FERMT2: variants seen among roughly 807,000 people sequenced by gnomAD.
FERMT2 encodes the protein fermitin family homolog 2.
A neutral mutation model predicts 82.7 loss-of-function variants in FERMT2; 15 were observed. That is an observed-to-expected ratio of 0.18 (90% CI 0.12 to 0.28). FERMT2 has a LOEUF of 0.28. FERMT2 is among the 10% of genes least tolerant of loss of function. FERMT2 has a pLI of 1.00. For missense variants in FERMT2, 645 were observed against 809.4 expected (o/e 0.80, Z 2.46); for synonymous variants, 274 against 271.5 (o/e 1.01, Z -0.09).
At chr14:52,922,384 A>G (rs928355280) in intron 2 of FERMT2, among the ~76,000 whole-genome samples, 1 of 152,130 alleles carries the variant, frequency 6.6e-6, no homozygotes, top group African/African-American at 2.4e-5. Context: ...GCTTGTCAGC[A>G]TGTTGGGGAT....
intron 2 of FERMT2, among the ~76,000 whole-genome samples, chr14:52,940,184 T>C (rs1051805105): frequency 6.6e-6 from 1 of 152,152 alleles, no homozygotes; most frequent in Non-Finnish European, 1.5e-5. Flanking sequence ...TGTAGAAAGG[T>C]CACCCCAAGG....
intron 2 of FERMT2, among the ~76,000 whole-genome samples, chr14:52,941,831 T>C (rs969311248): frequency 6.6e-6 from 1 of 152,246 alleles, no homozygotes; most frequent in African/African-American, 2.4e-5. Context: ...AGAATTAATT[T>C]ACTACTGATG....
At chr14:52,869,327 T>C (rs1303223902) in intron 10 of FERMT2, among the ~76,000 whole-genome samples, 1 of 152,222 alleles carries the variant, frequency 6.6e-6, no homozygotes, top group African/African-American at 2.4e-5. Flanking sequence ...TAAAAATTTG[T>C]GTAACTTTAA....
intron 3 of FERMT2, among the ~76,000 whole-genome samples, chr14:52,903,942 C>T (rs1355922486): frequency 6.6e-6 from 1 of 152,126 alleles, no homozygotes. Context: ...GGGAGATTGA[C>T]TATAATCCAA....
chr14:52,904,187 C>T (rs1407814051), intron 3 of FERMT2, among the ~76,000 whole-genome samples: 1 of 152,072 alleles, frequency 6.6e-6, no homozygotes, highest in African/African-American at 2.4e-5. Flanking sequence ...TTGAGACCAG[C>T]CTGGCCAACA....
At position 52,885,341 on chromosome 14, in the gene FERMT2, C is replaced by A. The variant is rs898162757; in HGVS notation, c.527-3872G>T. Among the ~76,000 whole-genome samples, 159 of 97,958 alleles carry A rather than the reference C, an allele frequency of 1.6e-3. 1 individual carries two copies. The highest frequency in any genetic ancestry group is 4.3e-3 in the African/African-American group (127 of 29,528). 64.3% of individuals were successfully genotyped at this position (97,958 alleles called of 152,430 possible). A position where few individuals can be genotyped will look rare whatever the true frequency, so the allele number is the denominator to read the frequency against. On this transcript the variant is annotated intron_variant, in intron 4 of 14. Coordinates refer to ENST00000341590, the MANE Select transcript of FERMT2 (RefSeq NM_006832.3). ...AAAAAAAAAAAAAAAAAAAAAAAATCTGTTACTAATGTCATTATTGCAAAC... is the reference window on the plus strand; with the variant it reads ...AAAAAAAAAAAAAAAAAAAAAAAATATGTTACTAATGTCATTATTGCAAAC...
chr14:52,906,794 A>T (rs1433484346), intron 3 of FERMT2, among the ~76,000 whole-genome samples: 1 of 152,152 alleles, frequency 6.6e-6, no homozygotes, highest in African/African-American at 2.4e-5. Context: ...AATAAATCTT[A>T]AAAAAACTAT....
chr14:52,945,636 T>A (rs892970518), intron 2 of FERMT2, among the ~76,000 whole-genome samples: 4 of 152,166 alleles, frequency 2.6e-5, no homozygotes, highest in Non-Finnish European at 5.9e-5. Flanking sequence ...TTTTCCCTTG[T>A]AGATTGTGTG....
chr14:52,907,963 G>A (rs993581452), intron 3 of FERMT2, among the ~76,000 whole-genome samples: 1 of 152,180 alleles, frequency 6.6e-6, no homozygotes, highest in Non-Finnish European at 1.5e-5. Flanking sequence ...CCAATAAAAT[G>A]TCCATATCTG....
At chr14:52,899,804 T>C (rs1887516995) in intron 3 of FERMT2, among the ~76,000 whole-genome samples, 1 of 152,214 alleles carries the variant, frequency 6.6e-6, no homozygotes, top group African/African-American at 2.4e-5. Context: ...AATTTAGGAC[T>C]TACTGATTTA....
At chr14:52,893,221 C>G (rs1887054675) in intron 4 of FERMT2, 72 bp downstream of exon 4, 1 of 1,366,114 alleles carries the variant, frequency 7.3e-7, no homozygotes, top group African/African-American at 1.5e-5. Context: ...ATCCATTTAC[C>G]CACCACCAGA....
intron 3 of FERMT2, among the ~76,000 whole-genome samples, chr14:52,897,153 T>C (rs954684256): frequency 6.6e-6 from 1 of 152,064 alleles, no homozygotes; most frequent in African/African-American, 2.4e-5. Context: ...AAAAATAAAA[T>C]GTTTTCATAA....
chr14:52,940,337 G>A (rs549448745), intron 2 of FERMT2, among the ~76,000 whole-genome samples: 2 of 152,020 alleles, frequency 1.3e-5, no homozygotes, highest in African/African-American at 2.4e-5. Context: ...TCATATACAC[G>A]AATTCACTTC....
chr14:52,940,574 A>G (rs1890045856), intron 2 of FERMT2, among the ~76,000 whole-genome samples: 1 of 152,200 alleles, frequency 6.6e-6, no homozygotes, highest in African/African-American at 2.4e-5. Flanking sequence ...GATACTGTTT[A>G]TGTATCTTCT....
chr14:52,921,546 C>T (rs1240621481), intron 2 of FERMT2, among the ~76,000 whole-genome samples: 1 of 152,184 alleles, frequency 6.6e-6, no homozygotes, highest in Non-Finnish European at 1.5e-5. Context: ...TTATAGAAGA[C>T]AACCAAGGTT....
intron 3 of FERMT2, 100 bp downstream of exon 3, chr14:52,919,023 G>T (rs1888788155): frequency 2.7e-6 from 2 of 751,188 alleles, no homozygotes; most frequent in Non-Finnish European, 4.5e-6. Flanking sequence ...TATACAGATA[G>T]TTCAGCCCAT....
rs775569582 is a variant in FERMT2, at chr14:52,878,622, T to A, written c.923A>T (p.Glu308Val). ...AKWAILLEEIECTEEEMMMFA... is the reference protein window; with the variant it reads ...AKWAILLEEIVCTEEEMMMFA... ...CATCATCATTTCTTCTTCTGTGCAT[T>A]CAATCTCTTCCAGGAGAATGGCCCA... is the stretch of plus-strand genomic sequence containing the variant. The change falls in exon 7 of 15, where the codon GAA becomes GTA. Residue 308 changes from glutamate (E) to valine (V), a missense_variant. Transcript: ENST00000341590. The A allele has an allele frequency of 6.2e-7, 1 of 1,611,270 alleles. No individual in the cohort carries two copies. The highest frequency in any genetic ancestry group is 8.5e-7 in the Non-Finnish European group (1 of 1,178,666).
intron 7 of FERMT2, among the ~76,000 whole-genome samples, chr14:52,877,358 G>T (rs1445816916): frequency 6.6e-6 from 1 of 151,984 alleles, no homozygotes; most frequent in Non-Finnish European, 1.5e-5. Flanking sequence ...CACGTGAGGG[G>T]ACTCCCAACA....
At chr14:52,926,664 G>C (rs939969288) in intron 2 of FERMT2, among the ~76,000 whole-genome samples, 1 of 151,994 alleles carries the variant, frequency 6.6e-6, no homozygotes, top group African/African-American at 2.4e-5. Context: ...TAAACTTTCA[G>C]AAGTAACCCA....
Sources: allele counts gnomAD v4.1 joint callset (sites outside exome capture counted in the v4.1 genomes callset), GRCh38; gene constraint gnomAD v4.1.1; transcripts MANE v1.5; gene names NCBI Gene and HGNC (gene_info 2026-07-23, HGNC 2026-07-21).